Variants in CNTNAP4 observed in about 807,000 individuals in gnomAD.
CNTNAP4 encodes contactin-associated protein-like 4.
A neutral mutation model predicts 148.4 loss-of-function variants in CNTNAP4; 98 were observed. The ratio of observed to expected loss-of-function variants is 0.66; its 90% CI spans 0.56 to 0.78. CNTNAP4 has a LOEUF of 0.78. CNTNAP4 is among the 30% of genes least tolerant of loss of function. The probability of loss-of-function intolerance (pLI) is 0.00; values close to 1 mark genes in which losing one functional copy is unlikely to be tolerated. For synonymous variants in CNTNAP4, 730 were observed against 565.1 expected (o/e 1.29, Z -4.14); for missense variants, 1,935 against 1,565.6 (o/e 1.24, Z -3.98).
At chr16:76,408,012 A>C (rs567901612) in intron 3 of CNTNAP4, among the ~76,000 whole-genome samples, 1 of 152,222 alleles carries the variant, frequency 6.6e-6, no homozygotes, top group South Asian at 2.1e-4. Context: ...AAGAACCTCT[A>C]CCAGGAAAAA....
chr16:76,553,781 T>G (rs2085072190), intron 22 of CNTNAP4, 55 bp from the exon 23 acceptor site: 1 of 1,126,552 alleles, frequency 8.9e-7, no homozygotes, highest in African/African-American at 1.6e-5. Context: ...GTTTTCAAAA[T>G]TTCTTCTTTT....
intron 10 of CNTNAP4, among the ~76,000 whole-genome samples, chr16:76,470,450 G>A (rs1175668474): frequency 7.3e-6 from 1 of 137,592 alleles, no homozygotes; most frequent in East Asian, 2.1e-4. Context: ...AGACCAGCCT[G>A]GCTAACATAG....
At chr16:76,335,662 G>A (rs191858831) in intron 2 of CNTNAP4, among the ~76,000 whole-genome samples, 3 of 152,266 alleles carry the variant, frequency 2.0e-5, no homozygotes, top group African/African-American at 4.8e-5. Context: ...CTTAGGGTAC[G>A]AGCTTGGAGA....
At chr16:76,549,062 G>A (rs769144886) in intron 21 of CNTNAP4, among the ~76,000 whole-genome samples, 1 of 152,182 alleles carries the variant, frequency 6.6e-6, no homozygotes. Context: ...TGGTCCAGGC[G>A]GACAGGCAGG....
chr16:76,369,439 C>G (rs1208976252), intron 3 of CNTNAP4, among the ~76,000 whole-genome samples: 2 of 152,174 alleles, frequency 1.3e-5, no homozygotes, highest in Admixed American at 6.5e-5. Flanking sequence ...CATCTGCTGT[C>G]TTTTAGCAGG....
chr16:76,408,414 A>AGTTGTTAATCTATTAACAATT (rs1568042003), intron 3 of CNTNAP4, among the ~76,000 whole-genome samples: 3 of 151,674 alleles, frequency 2.0e-5, no homozygotes, highest in African/African-American at 7.3e-5. Flanking sequence ...AACAATTAAC[A>AGTTGTTAATCTATTAACAATT]ACCACCACCC....
intron 3 of CNTNAP4, among the ~76,000 whole-genome samples, chr16:76,416,881 G>A (rs9931169): frequency 0.72 from 108,692 of 151,180 alleles, 41,084 homozygotes; most frequent in Non-Finnish European, 0.84. Context: ...CTCATCTAAC[G>A]ACTCTGTTGT....
chr16:76,540,641 C>T (rs2084410207), intron 20 of CNTNAP4, 62 bp from the exon 21 acceptor site: 2 of 1,214,266 alleles, frequency 1.6e-6, no homozygotes, highest in Non-Finnish European at 2.4e-6. Flanking sequence ...TCTGTTGCTT[C>T]CTGTCTTCTC....
rs761344353 is a variant in CNTNAP4, at chr16:76,540,298, C to G, written c.3355-405C>G. ...CACTAATAATTTTTTGGTTCTCTGC[C>G]TAGAAGAAAATTTCTTAGCTGCCTA... On this transcript the variant is annotated intron_variant, in intron 20 of 23. Coordinates refer to ENST00000611870, the MANE Select transcript of CNTNAP4 (RefSeq NM_033401.5). Among the ~76,000 whole-genome samples, 136 of 152,042 alleles carry G rather than the reference C, an allele frequency of 8.9e-4. 1 individual carries two copies. The highest frequency in any genetic ancestry group is 1.6e-3 in the Non-Finnish European group (106 of 67,920).
At chr16:76,445,178 C>T (rs2080193255) in intron 4 of CNTNAP4, among the ~76,000 whole-genome samples, 1 of 152,152 alleles carries the variant, frequency 6.6e-6, no homozygotes. Flanking sequence ...GGCAAGATTA[C>T]TGATTAAGAT....
At chr16:76,428,443 A>G (rs1276264661) in intron 4 of CNTNAP4, among the ~76,000 whole-genome samples, 1 of 151,316 alleles carries the variant, frequency 6.6e-6, no homozygotes, top group African/African-American at 2.4e-5. Flanking sequence ...TCTAGTAAAC[A>G]TTTATTTTTA....
intron 15 of CNTNAP4, among the ~76,000 whole-genome samples, chr16:76,501,876 C>T (rs1290790662): frequency 2.0e-5 from 3 of 152,010 alleles, no homozygotes; most frequent in Admixed American, 6.5e-5. Flanking sequence ...CGAGACCATC[C>T]CGGCTAAACG....
chr16:76,412,501 C>G (rs1407734757), intron 3 of CNTNAP4, among the ~76,000 whole-genome samples: 1 of 151,294 alleles, frequency 6.6e-6, no homozygotes, highest in Non-Finnish European at 1.5e-5. Flanking sequence ...GTTCCACATT[C>G]TTGAAAACAC....
chr16:76,482,860 A>G (rs1372530446), intron 12 of CNTNAP4, among the ~76,000 whole-genome samples: 2 of 152,198 alleles, frequency 1.3e-5, no homozygotes, highest in Non-Finnish European at 1.5e-5. Context: ...AATGATTCTT[A>G]TGTGTACTTA....
chr16:76,320,448 G>C (rs1246621471), intron 2 of CNTNAP4, among the ~76,000 whole-genome samples: 1 of 152,240 alleles, frequency 6.6e-6, no homozygotes, highest in Non-Finnish European at 1.5e-5. Context: ...GGGAAATTTT[G>C]CATGCTCTGA....
chr16:76,296,687 T>C (rs975034826), intron 1 of CNTNAP4, among the ~76,000 whole-genome samples: 18 of 152,014 alleles, frequency 1.2e-4, no homozygotes, highest in Non-Finnish European at 1.8e-4. Flanking sequence ...GTATAGCTAA[T>C]CATGATGGTA....
At chr16:76,388,173 G>C (rs998503048) in intron 3 of CNTNAP4, among the ~76,000 whole-genome samples, 1 of 152,056 alleles carries the variant, frequency 6.6e-6, no homozygotes, top group Non-Finnish European at 1.5e-5. Context: ...AGCATCTTGT[G>C]GTGTCAGAGA....
At chr16:76,326,498 T>A (rs575092019) in intron 2 of CNTNAP4, among the ~76,000 whole-genome samples, 2 of 152,146 alleles carry the variant, frequency 1.3e-5, no homozygotes, top group African/African-American at 4.8e-5. Flanking sequence ...CACATGCACA[T>A]GTATGTTTAT....
chr16:76,550,683 A>AG (rs893911773), intron 21 of CNTNAP4, among the ~76,000 whole-genome samples: 23 of 151,534 alleles, frequency 1.5e-4, no homozygotes, highest in Admixed American at 1.1e-3. Context: ...AAAAAGAAAA[A>AG]AAAAACTCCA....
Sources: allele counts gnomAD v4.1 joint callset (sites outside exome capture counted in the v4.1 genomes callset), GRCh38; gene constraint gnomAD v4.1.1; transcripts MANE v1.5; gene names NCBI Gene and HGNC (gene_info 2026-07-23, HGNC 2026-07-21).